The following CELF1 variants were observed in gnomAD, a reference collection of about 807,000 sequenced individuals.
The protein encoded by CELF1 is CUGBP Elav-like family member 1, also known as 50 kDa nuclear polyadenylated RNA-binding protein.
CELF1 carries 10 observed loss-of-function variants against 61.8 expected under a neutral mutation model. That is an observed-to-expected ratio of 0.16 (90% CI 0.10 to 0.27). The LOEUF (loss-of-function observed/expected upper bound fraction) is 0.27, where lower values mean the gene tolerates loss of function less well. Ranked by LOEUF, CELF1 falls within the 10% of genes least tolerant of loss-of-function variation. CELF1 has a pLI of 1.00. For synonymous variants in CELF1, 236 were observed against 225.1 expected (o/e 1.05, Z -0.43); for missense variants, 380 against 639.1 (o/e 0.59, Z 4.37).
intron 1 of CELF1, among the ~76,000 whole-genome samples, chr11:47,502,667 C>T (rs1050469768): frequency 3.3e-5 from 5 of 152,028 alleles, no homozygotes; most frequent in Non-Finnish European, 7.4e-5. Context: ...CCTGTCTCTA[C>T]TAAAAATACA....
At chr11:47,509,432 T>C (rs929805443) in intron 1 of CELF1, among the ~76,000 whole-genome samples, 3 of 152,268 alleles carry the variant, frequency 2.0e-5, no homozygotes, top group Non-Finnish European at 2.9e-5. Context: ...TATACACCTG[T>C]AGTCCTAGCA....
chr11:47,514,281 T>C (rs546872367), intron 1 of CELF1, among the ~76,000 whole-genome samples: 1 of 152,198 alleles, frequency 6.6e-6, no homozygotes, highest in South Asian at 2.1e-4. Flanking sequence ...CTGCACAACC[T>C]ACTTTTTTGC....
chr11:47,545,031 A>C (rs778164838), intron 1 of CELF1, among the ~76,000 whole-genome samples: 3 of 152,100 alleles, frequency 2.0e-5, no homozygotes, highest in Non-Finnish European at 4.4e-5. Context: ...GCCTGTAATC[A>C]CAACACTTTG....
At chr11:47,476,662 G>A (rs376253513) in intron 12 of CELF1, among the ~76,000 whole-genome samples, 184 bp downstream of exon 12, 13 of 152,226 alleles carry the variant, frequency 8.5e-5, no homozygotes, top group East Asian at 1.9e-4. Context: ...TCCTGACCTC[G>A]TGATTCGCCC....
intron 1 of CELF1, among the ~76,000 whole-genome samples, chr11:47,552,073 C>T (rs2097152454): frequency 6.6e-6 from 1 of 151,534 alleles, no homozygotes; most frequent in Admixed American, 6.6e-5. Flanking sequence ...TAACCTCTTA[C>T]ACTGCACACA....
At chr11:47,559,212 C>T (rs2097218461) in intron 2 of CELF1, among the ~76,000 whole-genome samples, 1 of 151,298 alleles carries the variant, frequency 6.6e-6, no homozygotes, top group Admixed American at 6.7e-5. Context: ...TCTCCTACCT[C>T]AGCCTCCTGA....
chr11:47,484,185 T>C (rs1322971121), intron 7 of CELF1, among the ~76,000 whole-genome samples: 1 of 151,932 alleles, frequency 6.6e-6, no homozygotes, highest in Non-Finnish European at 1.5e-5. Flanking sequence ...ATTTAAAAAT[T>C]AGCTGGGTGT....
intron 1 of CELF1, among the ~76,000 whole-genome samples, chr11:47,527,931 A>G (rs935380964): frequency 6.6e-6 from 1 of 152,102 alleles, no homozygotes; most frequent in Non-Finnish European, 1.5e-5. Context: ...CCCCGTCTCT[A>G]CTAAAAATAC....
intron 1 of CELF1, chr11:47,514,063 G>A (rs2095413223): frequency 6.6e-6 from 1 of 151,910 alleles, no homozygotes; most frequent in Non-Finnish European, 1.5e-5. Context: ...CAAGTAGCTG[G>A]GACTACAGGC....
chr11:47,504,686 A>G (rs1033755065), intron 1 of CELF1, among the ~76,000 whole-genome samples: 1 of 151,264 alleles, frequency 6.6e-6, no homozygotes, highest in Non-Finnish European at 1.5e-5. Context: ...CAGATCACCT[A>G]AGGTCAGGAG....
intron 1 of CELF1, among the ~76,000 whole-genome samples, chr11:47,531,367 A>T (rs2096467505): frequency 6.6e-6 from 1 of 152,170 alleles, no homozygotes. Context: ...TACAAGATAG[A>T]GACCATCCTG....
chr11:47,484,952 A>G (rs1435459841), intron 6 of CELF1, among the ~76,000 whole-genome samples: 3 of 152,236 alleles, frequency 2.0e-5, no homozygotes, highest in Non-Finnish European at 4.4e-5. Context: ...TGCTGGGATT[A>G]CAGGTGTGAC....
At chr11:47,508,392 A>C (rs2094706050) in intron 1 of CELF1, among the ~76,000 whole-genome samples, 1 of 152,046 alleles carries the variant, frequency 6.6e-6, no homozygotes, top group South Asian at 2.1e-4. Context: ...ACTGCAAGCT[A>C]GTCAGGGAAT....
chr11:47,528,369 A>G (rs1218352495), intron 1 of CELF1, among the ~76,000 whole-genome samples: 1 of 152,176 alleles, frequency 6.6e-6, no homozygotes, highest in Non-Finnish European at 1.5e-5. Context: ...TGCATTTATA[A>G]GGAAATGGAT....
Position 47,470,954 on chromosome 11 carries a change from TA to T in CELF1, c.*1275del, listed in dbSNP as rs1361077771. On this transcript the variant is annotated 3_prime_UTR_variant, in exon 15 of 15. Transcript: ENST00000687097. ...AAAAATGAACACGGTAATACTGAGG[TA>T]AATGAACACTCAATTCATGTGGAGG... The T allele has an allele frequency of 6.6e-6, 1 of 152,080 alleles. No homozygotes were observed. The allele number at this position is 152,080 out of a possible 1,614,324, so 9.4% of individuals were successfully genotyped here. A position where few individuals can be genotyped will look rare whatever the true frequency, so the allele number is the denominator to read the frequency against.
intron 1 of CELF1, among the ~76,000 whole-genome samples, chr11:47,517,507 G>A (rs542516108): frequency 1.3e-5 from 2 of 152,228 alleles, no homozygotes; most frequent in Non-Finnish European, 2.9e-5. Flanking sequence ...TGATCAAGAC[G>A]TATTCATATA....
chr11:47,474,848 T>C (rs2079280664), intron 13 of CELF1, among the ~76,000 whole-genome samples: 1 of 152,206 alleles, frequency 6.6e-6, no homozygotes, highest in Admixed American at 6.5e-5. Flanking sequence ...TCAAACGACA[T>C]ACTTCCCACT....
At chr11:47,502,615 G>A (rs2094048571) in intron 1 of CELF1, among the ~76,000 whole-genome samples, 1 of 152,068 alleles carries the variant, frequency 6.6e-6, no homozygotes, top group African/African-American at 2.4e-5. Flanking sequence ...GGTGGATCAT[G>A]AGGTCAGGAG....
chr11:47,519,478 TCTAA>T (rs2095748337), intron 1 of CELF1, among the ~76,000 whole-genome samples: 1 of 124,918 alleles, frequency 8.0e-6, no homozygotes, highest in Non-Finnish European at 1.7e-5. Context: ...AGACTCCATC[TCTAA>T]ATAAATAAAT....
Sources: gnomAD v4.1 joint callset for allele counts (sites outside exome capture counted in the v4.1 genomes callset) on GRCh38, gnomAD v4.1.1 for gene constraint, MANE v1.5 for transcripts, NCBI Gene and HGNC (gene_info 2026-07-23, HGNC 2026-07-21) for gene names.